SNX29: variants seen among roughly 807,000 people sequenced by gnomAD.
SNX29 encodes sorting nexin-29.
A neutral mutation model predicts 102.1 loss-of-function variants in SNX29; 78 were observed. The ratio of observed to expected loss-of-function variants is 0.76; its 90% CI spans 0.64 to 0.92. The LOEUF is 0.92. Ranked by LOEUF, SNX29 falls within the 40% of genes least tolerant of loss-of-function variation. The pLI is 0.00. For synonymous variants in SNX29, 580 were observed against 414.5 expected, an observed-to-expected ratio of 1.40 and a Z score of -4.85; for missense variants, 1,280 against 1,061.7, an observed-to-expected ratio of 1.21 and a Z score of -2.86.
chr16:12,072,830 T>C (rs929190579), intron 10 of SNX29, among the ~76,000 whole-genome samples: 3 of 152,156 alleles, frequency 2.0e-5, no homozygotes, highest in South Asian at 4.1e-4. Context: ...CTATTGATTA[T>C]TGCCACAATT....
chr16:12,368,241 C>G (rs144427536), intron 16 of SNX29, among the ~76,000 whole-genome samples: 1 of 152,220 alleles, frequency 6.6e-6, no homozygotes, highest in African/African-American at 2.4e-5. Context: ...AGGCATCCAG[C>G]TGTGGAACTT....
intron 14 of SNX29, among the ~76,000 whole-genome samples, chr16:12,225,577 A>T (rs2077588625): frequency 6.6e-6 from 1 of 152,252 alleles, no homozygotes; most frequent in African/African-American, 2.4e-5. Flanking sequence ...TAAGTCCATT[A>T]GACCTCTCTC....
intron 14 of SNX29, among the ~76,000 whole-genome samples, chr16:12,210,830 G>C (rs1596517571): frequency 6.6e-6 from 1 of 151,150 alleles, no homozygotes; most frequent in East Asian, 2.0e-4. Flanking sequence ...TTTTGTATTT[G>C]TTTGATGGGC....
chr16:12,536,279 G>A (rs1371078122), intron 20 of SNX29, among the ~76,000 whole-genome samples: 1 of 152,068 alleles, frequency 6.6e-6, no homozygotes, highest in African/African-American at 2.4e-5. Flanking sequence ...AGTTGAGGAT[G>A]TTTTTCTCAC....
intron 18 of SNX29, among the ~76,000 whole-genome samples, chr16:12,448,363 A>G (rs2086156636): frequency 6.6e-6 from 1 of 152,154 alleles, no homozygotes; most frequent in Admixed American, 6.5e-5. Context: ...TGAGTATTGG[A>G]CAGCGTTTTT....
At chr16:12,426,727 G>A (rs772211211) in intron 18 of SNX29, among the ~76,000 whole-genome samples, 11 of 152,148 alleles carry the variant, frequency 7.2e-5, no homozygotes, top group Non-Finnish European at 1.2e-4. Context: ...GTGCAGTGGC[G>A]CGATCTCAGC....
intron 20 of SNX29, among the ~76,000 whole-genome samples, chr16:12,537,998 AAAAAATT>A (rs2077153223): frequency 6.6e-6 from 1 of 150,744 alleles, no homozygotes; most frequent in African/African-American, 2.5e-5. Flanking sequence ...AAAAAAAAAA[AAAAAATT>A]GTCTGCCATT....
chr16:12,450,213 A>G (rs767548583), intron 18 of SNX29, among the ~76,000 whole-genome samples: 16 of 152,194 alleles, frequency 1.1e-4, no homozygotes, highest in African/African-American at 2.9e-4. Flanking sequence ...CAGTCTCAGT[A>G]TGTCCTTATT....
intron 1 of SNX29, among the ~76,000 whole-genome samples, chr16:11,987,403 C>CT (rs34572926): frequency 1.0e-3 from 112 of 107,284 alleles, no homozygotes; most frequent in South Asian, 3.2e-3. Flanking sequence ...GACTTTTACT[C>CT]TTTTTTTTTT....
intron 15 of SNX29, among the ~76,000 whole-genome samples, chr16:12,327,858 C>T (rs2081168246): frequency 6.6e-6 from 1 of 152,154 alleles, no homozygotes; most frequent in Non-Finnish European, 1.5e-5. Context: ...TAGGTCTGAG[C>T]ATCATTCTAC....
chr16:12,547,808 C>G (rs749816207), intron 20 of SNX29, among the ~76,000 whole-genome samples: 12 of 152,178 alleles, frequency 7.9e-5, no homozygotes, highest in Admixed American at 3.9e-4. Context: ...CTCAAGAATG[C>G]TCTGCAGGGA....
At chr16:12,555,534 G>A (rs62028167) in intron 20 of SNX29, among the ~76,000 whole-genome samples, 60,266 of 150,780 alleles carry the variant, frequency 0.4, 15,736 homozygotes, top group Middle Eastern at 0.6. Context: ...CCTGCTCTCT[G>A]GGAGGTCATA....
At chr16:12,180,270 T>C (rs1156905091) in intron 13 of SNX29, among the ~76,000 whole-genome samples, 3 of 152,234 alleles carry the variant, frequency 2.0e-5, no homozygotes, top group African/African-American at 4.8e-5. Flanking sequence ...CTTTCTTTAA[T>C]GTTCTGAGTT....
At chr16:12,109,603 G>C (rs565012085) in intron 11 of SNX29, among the ~76,000 whole-genome samples, 3 of 152,116 alleles carry the variant, frequency 2.0e-5, no homozygotes, top group African/African-American at 7.2e-5. Context: ...GGACCCTCAT[G>C]CATGCACCAC....
At chr16:12,225,626 C>T (rs1182816743) in intron 14 of SNX29, among the ~76,000 whole-genome samples, 1 of 152,190 alleles carries the variant, frequency 6.6e-6, no homozygotes, top group Non-Finnish European at 1.5e-5. Context: ...TCTTTATCAG[C>T]ATTGTGAAAA....
At chr16:12,567,084 C>G (rs180885441) in intron 20 of SNX29, among the ~76,000 whole-genome samples, 1 of 152,194 alleles carries the variant, frequency 6.6e-6, no homozygotes, top group East Asian at 1.9e-4. Context: ...CAGGGATCCT[C>G]GAGGGGAATG....
chr16:12,133,032 G>A (rs953438475), intron 13 of SNX29, among the ~76,000 whole-genome samples: 2 of 152,210 alleles, frequency 1.3e-5, no homozygotes, highest in African/African-American at 4.8e-5. Flanking sequence ...TGCCGTAGCT[G>A]CTGGGGCACA....
intron 13 of SNX29, among the ~76,000 whole-genome samples, chr16:12,138,952 C>G (rs945409870): frequency 2.0e-5 from 3 of 151,950 alleles, no homozygotes; most frequent in Non-Finnish European, 4.4e-5. Flanking sequence ...CCTGTAATCC[C>G]AACACTTTGG....
At chr16:12,304,871 G>C (rs189924868) in intron 15 of SNX29, among the ~76,000 whole-genome samples, 1 of 152,312 alleles carries the variant, frequency 6.6e-6, no homozygotes, top group Non-Finnish European at 1.5e-5. Context: ...ATTCTGGAAA[G>C]CTGAGCTTTA....
Sources: gnomAD v4.1 joint callset for allele counts (sites outside exome capture counted in the v4.1 genomes callset) on GRCh38, gnomAD v4.1.1 for gene constraint, MANE v1.5 for transcripts, NCBI Gene and HGNC (gene_info 2026-07-23, HGNC 2026-07-21) for gene names.